Variants in MTMR12 observed in about 807,000 individuals in gnomAD.
MTMR12 encodes myotubularin-related protein 12.
A neutral mutation model predicts 96.7 loss-of-function variants in MTMR12; 33 were observed. That is an observed-to-expected ratio of 0.34 (90% CI 0.26 to 0.46). The LOEUF is 0.46. Among genes scored for constraint, MTMR12 ranks in the 20% least tolerant of loss-of-function variants. The pLI, the probability that MTMR12 is intolerant of heterozygous loss-of-function variation, is 1.00. For synonymous variants in MTMR12, 298 were observed against 327.2 expected (o/e 0.91, Z 0.96); for missense variants, 721 against 896.1 (o/e 0.80, Z 2.49).
At chr5:32,246,499 T>A (rs1234787365) in intron 10 of MTMR12, among the ~76,000 whole-genome samples, 1 of 152,196 alleles carries the variant, frequency 6.6e-6, no homozygotes, top group African/African-American at 2.4e-5. Context: ...GTCAGAATTG[T>A]GTAGGCTGAA....
chr5:32,294,808 A>G (rs1189618128), intron 1 of MTMR12, among the ~76,000 whole-genome samples: 1 of 152,248 alleles, frequency 6.6e-6, no homozygotes, highest in Non-Finnish European at 1.5e-5. Flanking sequence ...ATAATTCTTG[A>G]TCCGGATAAT....
At chr5:32,272,250 C>T (rs1220009293) in intron 3 of MTMR12, among the ~76,000 whole-genome samples, 1 of 152,016 alleles carries the variant, frequency 6.6e-6, no homozygotes, top group African/African-American at 2.4e-5. Context: ...GAGATCGCAC[C>T]ACTGCACTTC....
chr5:32,260,236 T>C (rs1290657553), intron 7 of MTMR12, among the ~76,000 whole-genome samples: 2 of 151,226 alleles, frequency 1.3e-5, no homozygotes, highest in East Asian at 2.0e-4. Flanking sequence ...AGAGTGCTTG[T>C]TGAGGGCTCT....
At chr5:32,311,154 G>A (rs1289195621) in intron 1 of MTMR12, among the ~76,000 whole-genome samples, 1 of 152,108 alleles carries the variant, frequency 6.6e-6, no homozygotes, top group Non-Finnish European at 1.5e-5. Context: ...ACCATGCCCA[G>A]CCCAAATATT....
intron 15 of MTMR12, among the ~76,000 whole-genome samples, chr5:32,232,507 G>A (rs1157483286): frequency 6.6e-6 from 1 of 152,202 alleles, no homozygotes; most frequent in Admixed American, 6.5e-5. Context: ...GGAAGGGGGA[G>A]CCTTAGGTTC....
chr5:32,228,842 G>C lies in MTMR12; in HGVS notation c.*936C>G, dbSNP rs564503543. 1 of 151,724 alleles carries C rather than the reference G, an allele frequency of 6.6e-6. No individual in the cohort carries two copies. Among genetic ancestry groups the C allele is most frequent in the African/African-American group, 2.4e-5 (1 of 41,142 alleles). 9.4% of individuals were successfully genotyped at this position (151,724 alleles called of 1,614,324 possible). ...AAAGGTAAAAGAATGTGAGGAACTC[G>C]GCTCAGGGGTTGCGGCAGAAAACTG... On this transcript the variant is annotated 3_prime_UTR_variant, in exon 16 of 16. Coordinates refer to ENST00000382142, the MANE Select transcript of MTMR12 (RefSeq NM_001040446.3).
At chr5:32,253,479 G>A (rs1462268718) in intron 8 of MTMR12, among the ~76,000 whole-genome samples, 1 of 152,178 alleles carries the variant, frequency 6.6e-6, no homozygotes, top group Admixed American at 6.5e-5. Context: ...GAGAGAGATT[G>A]AGGGCTCTAT....
intron 1 of MTMR12, among the ~76,000 whole-genome samples, chr5:32,291,400 C>A (rs112984181): frequency 1.1e-4 from 17 of 152,102 alleles, no homozygotes; most frequent in Non-Finnish European, 2.9e-5. Flanking sequence ...TAGGCTGTAG[C>A]CAATGGTTTG....
chr5:32,249,016 C>T, intron 8 of MTMR12, 138 bp from the exon 9 acceptor site: 1 of 665,682 alleles, frequency 1.5e-6, no homozygotes, highest in Non-Finnish European at 2.7e-6. Flanking sequence ...TTTATTAAGC[C>T]TGGGAGTATT....
rs1282813478 is a variant in MTMR12, at chr5:32,233,344, C to T, written c.1674+429G>A. ...TGCAGCCCTTGACAGAGTTTTGCAA[C>T]CTGTGGTTTACAGGCACAGCTCATT... On this transcript the variant is annotated intron_variant, in intron 15 of 15. Coordinates refer to ENST00000382142, the MANE Select transcript of MTMR12 (RefSeq NM_001040446.3). This position sits in a 1 kb window ranked among gnomAD's most constrained non-coding sequence, Gnocchi z 5.0. Among the ~76,000 whole-genome samples the T allele has an allele frequency of 6.6e-6, 1 of 152,000 alleles. No homozygotes were observed. The highest frequency in any genetic ancestry group is 2.4e-5 in the African/African-American group (1 of 41,346).
chr5:32,233,364 C>T lies in MTMR12; in HGVS notation c.1674+409G>A, dbSNP rs78512000. Among the ~76,000 whole-genome samples, 1,173 of 152,062 alleles carry T rather than the reference C, an allele frequency of 7.7e-3. 10 individuals carry two copies. Among genetic ancestry groups the T allele is most frequent in the African/African-American group, 0.027 (1,109 of 41,456 alleles). On this transcript the variant is annotated intron_variant, in intron 15 of 15. Coordinates refer to ENST00000382142, the MANE Select transcript of MTMR12 (RefSeq NM_001040446.3). The surrounding 1 kb of genome is among the most constrained non-coding windows in gnomAD (Gnocchi z 5.0). ...TGCAACCTGTGGTTTACAGGCACAG[C>T]TCATTAAGAAAAGTCTTACTATTTA...
At chr5:32,304,976 G>C (rs916737208) in intron 1 of MTMR12, among the ~76,000 whole-genome samples, 5 of 152,222 alleles carry the variant, frequency 3.3e-5, no homozygotes, top group African/African-American at 1.2e-4. Flanking sequence ...AATGTCTTCT[G>C]ATGGCCTACC....
intron 1 of MTMR12, among the ~76,000 whole-genome samples, chr5:32,288,634 A>C (rs974961941): frequency 9.8e-5 from 15 of 152,346 alleles, no homozygotes; most frequent in Non-Finnish European, 2.1e-4. Context: ...TGGTAGAAGG[A>C]ACATAGAGTT....
chr5:32,309,574 A>G (rs1370158385), intron 1 of MTMR12: 1 of 152,204 alleles, frequency 6.6e-6, no homozygotes, highest in Non-Finnish European at 1.5e-5. Context: ...ATTTCTCAAA[A>G]GAAGATATAC....
rs533540265 is a variant in MTMR12 at position 32,304,749 on chromosome 5, G to A, written c.81+8009C>T. Among the ~76,000 whole-genome samples, 18 of 152,358 alleles carry A rather than the reference G, an allele frequency of 1.2e-4. No homozygotes were observed. In the South Asian group the frequency reaches 3.7e-3, roughly 32 times the overall value. On this transcript the variant is annotated intron_variant, in intron 1 of 15. Coordinates refer to ENST00000382142, the MANE Select transcript of MTMR12 (RefSeq NM_001040446.3). The stretch of plus-strand genomic sequence containing the variant: ...AAGTATGTGCTCTTAGACAGTGGCT[G>A]TCCATGTGGCAGCTGTTTGATCAGG...
intron 1 of MTMR12, among the ~76,000 whole-genome samples, chr5:32,311,723 T>C (rs1244762802): frequency 1.3e-5 from 2 of 152,196 alleles, no homozygotes; most frequent in African/African-American, 4.8e-5. Flanking sequence ...ACTGTCCCCC[T>C]TGTCCATGGG....
At chr5:32,249,820 G>C (rs972105587) in intron 8 of MTMR12, among the ~76,000 whole-genome samples, 2 of 152,196 alleles carry the variant, frequency 1.3e-5, no homozygotes, top group Admixed American at 6.5e-5. Flanking sequence ...TCTGCCAGTG[G>C]AAGCTAGAAT....
chr5:32,298,350 G>A (rs1370198821), intron 1 of MTMR12, among the ~76,000 whole-genome samples: 1 of 152,182 alleles, frequency 6.6e-6, no homozygotes, highest in African/African-American at 2.4e-5. Flanking sequence ...AGGGAAAGAA[G>A]GGTGCTGTTG....
In MTMR12 at chr5:32,248,663, G is replaced by C; in HGVS notation, c.896+109C>G. ...ATCACTGTTAAGTTGTATTCCCCTA[G>C]CATTAAGCTACCAGTAGGTAAACAG... On this transcript the variant is annotated intron_variant, in intron 9 of 15. Coordinates refer to ENST00000382142, the MANE Select transcript of MTMR12 (RefSeq NM_001040446.3). 11 of 779,550 alleles carry C rather than the reference G, an allele frequency of 1.4e-5. No homozygotes were observed. The South Asian group carries it at 1.7e-4, about 12-fold the overall frequency. The allele number at this position is 779,550 out of a possible 1,614,324, so 48.3% of individuals were successfully genotyped here.
Sources: allele counts gnomAD v4.1 joint callset (sites outside exome capture counted in the v4.1 genomes callset), GRCh38; gene constraint gnomAD v4.1.1; non-coding constraint Gnocchi (gnomAD v3.1); transcripts MANE v1.5; gene names NCBI Gene and HGNC (gene_info 2026-07-23, HGNC 2026-07-21).